SHISA6: variants seen among roughly 807,000 people sequenced by gnomAD.
The protein encoded by SHISA6 is protein shisa-6.
In SHISA6, 22 loss-of-function variants were observed where a neutral mutation model predicts 47.9. The observed-to-expected ratio is 0.46, with a 90% CI of 0.33 to 0.66. The LOEUF (loss-of-function observed/expected upper bound fraction) is 0.66. Among genes scored for constraint, SHISA6 ranks in the 30% least tolerant of loss-of-function variants. The pLI, the probability that SHISA6 is intolerant of heterozygous loss-of-function variation, is 0.02. For missense variants in SHISA6, 680 were observed against 764.6 expected, an observed-to-expected ratio of 0.89 and a Z score of 1.30; for synonymous variants, 388 against 337.8, an observed-to-expected ratio of 1.15 and a Z score of -1.63.
chr17:11,373,439 G>C (rs770909615), intron 2 of SHISA6, among the ~76,000 whole-genome samples: 7 of 152,144 alleles, frequency 4.6e-5, no homozygotes, highest in Non-Finnish European at 1.0e-4. Flanking sequence ...CAAGTCTCCA[G>C]CTACCCAGCA....
At chr17:11,421,466 C>G (rs1361981289) in intron 3 of SHISA6, among the ~76,000 whole-genome samples, 1 of 152,132 alleles carries the variant, frequency 6.6e-6, no homozygotes, top group Non-Finnish European at 1.5e-5. Context: ...CAGCTCATAC[C>G]ATGAATCTAG....
intron 3 of SHISA6, among the ~76,000 whole-genome samples, chr17:11,436,100 G>T (rs1246477323): frequency 6.6e-6 from 1 of 152,182 alleles, no homozygotes; most frequent in Admixed American, 6.5e-5. Context: ...TAGGCTGAAT[G>T]CCTGGGGAGC....
chr17:11,558,786 TCTC>T lies in SHISA6; in HGVS notation c.*485_*487del, dbSNP rs1021823287. On this transcript the variant is annotated 3_prime_UTR_variant, in exon 6 of 6. Coordinates refer to ENST00000441885, the MANE Select transcript of SHISA6 (RefSeq NM_207386.4). ...TTCATCTAGAACCGCATCACAGAAA[TCTC>T]CTAGTGCCTAAAAACTGCCTGCTCG... The T allele has an allele frequency of 5.8e-6, 1 of 172,318 alleles. No homozygotes were observed. Among genetic ancestry groups the T allele is most frequent in the Non-Finnish European group, 1.2e-5 (1 of 80,034 alleles). The allele number at this position is 172,318 out of a possible 1,614,324, so 10.7% of individuals were successfully genotyped here. A position where few individuals can be genotyped will look rare whatever the true frequency, so the allele number is the denominator to read the frequency against.
chr17:11,454,980 T>C (rs1173832777), intron 3 of SHISA6, among the ~76,000 whole-genome samples: 3 of 151,796 alleles, frequency 2.0e-5, no homozygotes, highest in Non-Finnish European at 4.4e-5. Context: ...CCATTCTGGC[T>C]AACAGGGTGA....
chr17:11,456,384 C>T (rs568551007), intron 3 of SHISA6, among the ~76,000 whole-genome samples: 10 of 152,290 alleles, frequency 6.6e-5, no homozygotes, highest in African/African-American at 2.4e-4. Flanking sequence ...AGTGTGCCGA[C>T]AGTCACCTGG....
intron 3 of SHISA6, among the ~76,000 whole-genome samples, chr17:11,421,640 G>A (rs1914454539): frequency 6.6e-6 from 1 of 152,200 alleles, no homozygotes; most frequent in South Asian, 2.1e-4. Context: ...AAATAAAAAT[G>A]GAACAAACAT....
Position 11,475,356 on chromosome 17 carries a change from G to A in SHISA6, c.896-76540G>A, listed in dbSNP as rs528180995. 3.3e-5 allele frequency among the ~76,000 whole-genome samples: 5 copies of A among 152,234 alleles called. No individual in the cohort carries two copies. The East Asian group carries it at 9.6e-4, about 29-fold the overall frequency. On this transcript the variant is annotated intron_variant, in intron 3 of 5. Coordinates refer to ENST00000441885, the MANE Select transcript of SHISA6 (RefSeq NM_207386.4). Reference sequence around the variant, plus strand: ...TTGAGAGGGGGCATGGCTGCCTTGTGTCTGATCTTACTGGGAAATTTTAAG... The same window carrying A: ...TTGAGAGGGGGCATGGCTGCCTTGTATCTGATCTTACTGGGAAATTTTAAG...
chr17:11,338,838 C>T (rs1390701377), intron 2 of SHISA6, among the ~76,000 whole-genome samples: 6 of 152,036 alleles, frequency 3.9e-5, no homozygotes, highest in African/African-American at 1.4e-4. Context: ...ACTGAAACTG[C>T]AAAGATACAT....
chr17:11,449,375 G>A lies in SHISA6; in HGVS notation c.895+69866G>A, dbSNP rs148540405. Among the ~76,000 whole-genome samples, 14 of 152,196 alleles carry A rather than the reference G, an allele frequency of 9.2e-5. No individual in the cohort carries two copies. The East Asian group carries it at 2.1e-3, about 23-fold the overall frequency. ...GGAGAATTGCTTGACTCTGAGAAGC[G>A]GAGGTTGCACTGAGCTGAGATCGTG... On this transcript the variant is annotated intron_variant, in intron 3 of 5. Coordinates refer to ENST00000441885, the MANE Select transcript of SHISA6 (RefSeq NM_207386.4).
In SHISA6 at chr17:11,358,054, A is replaced by C. The variant is rs1912131991; in HGVS notation, c.800-21360A>C. ...ATTACGGTAAAATATACATAACATA[A>C]AATTTACCATTTTATCCATTTTTAA... On this transcript the variant is annotated intron_variant, in intron 2 of 5. Transcript: ENST00000441885. 3.3e-5 allele frequency among the ~76,000 whole-genome samples: 5 copies of C among 152,308 alleles called. No homozygotes were observed. The South Asian group carries it at 1.0e-3, about 32-fold the overall frequency.
chr17:11,405,541 C>T (rs1355085223), intron 3 of SHISA6, among the ~76,000 whole-genome samples: 2 of 152,170 alleles, frequency 1.3e-5, no homozygotes, highest in Non-Finnish European at 2.9e-5. Context: ...CAGTGGCTCA[C>T]ACCTGTGATC....
intron 3 of SHISA6, among the ~76,000 whole-genome samples, chr17:11,534,832 T>C (rs748216234): frequency 6.6e-6 from 1 of 152,000 alleles, no homozygotes; most frequent in Non-Finnish European, 1.5e-5. Flanking sequence ...GCTGAGACTA[T>C]TCTAGGAAGG....
chr17:11,381,073 C>T (rs1456927584), intron 3 of SHISA6, among the ~76,000 whole-genome samples: 2 of 152,126 alleles, frequency 1.3e-5, no homozygotes, highest in East Asian at 1.9e-4. Flanking sequence ...TATCAGGAGC[C>T]GAGGATTGTT....
intron 1 of SHISA6, among the ~76,000 whole-genome samples, chr17:11,248,975 T>C (rs1197429521): frequency 2.6e-5 from 4 of 151,858 alleles, no homozygotes; most frequent in African/African-American, 9.7e-5. Context: ...TCGTCTCTAC[T>C]AAAAATACAA....
chr17:11,313,011 A>G (rs1016222514), intron 2 of SHISA6, among the ~76,000 whole-genome samples: 1 of 152,194 alleles, frequency 6.6e-6, no homozygotes, highest in African/African-American at 2.4e-5. Context: ...CCTGGTGTAA[A>G]AATTCCCACC....
chr17:11,434,108 G>A (rs1444221838), intron 3 of SHISA6, among the ~76,000 whole-genome samples: 2 of 147,442 alleles, frequency 1.4e-5, no homozygotes, highest in African/African-American at 2.5e-5. Flanking sequence ...CTGTCACCCA[G>A]GCCAGAGTGC....
chr17:11,472,427 G>C (rs1051053636), intron 3 of SHISA6, among the ~76,000 whole-genome samples: 2 of 152,058 alleles, frequency 1.3e-5, no homozygotes, highest in Non-Finnish European at 2.9e-5. Flanking sequence ...TGGAACCCTT[G>C]GCCTCAAGTG....
chr17:11,251,411 G>T (rs1434840534), intron 1 of SHISA6, among the ~76,000 whole-genome samples: 1 of 150,440 alleles, frequency 6.6e-6, no homozygotes, highest in African/African-American at 2.5e-5. Flanking sequence ...AAAACACCCT[G>T]ATTTTAATTG....
intron 2 of SHISA6, 130 bp downstream of exon 2, chr17:11,263,656 C>A: frequency 2.5e-6 from 3 of 1,214,978 alleles, no homozygotes; most frequent in Non-Finnish European, 3.4e-6. Flanking sequence ...GGCAGGCTGG[C>A]AAAAGATTTT....
Sources: gnomAD v4.1 joint callset for allele counts (sites outside exome capture counted in the v4.1 genomes callset) on GRCh38, gnomAD v4.1.1 for gene constraint, MANE v1.5 for transcripts, NCBI Gene and HGNC (gene_info 2026-07-23, HGNC 2026-07-21) for gene names.